The following ADCY10 variants were observed in gnomAD, a reference collection of about 807,000 sequenced individuals.
ADCY10 encodes the protein adenylate cyclase type 10.
In ADCY10, 156 loss-of-function variants were observed where a neutral mutation model predicts 183.3. The observed-to-expected ratio is 0.85, with a 90% CI of 0.75 to 0.97. ADCY10 has a LOEUF of 0.97. ADCY10 is among the 50% of genes least tolerant of loss of function. The probability of loss-of-function intolerance (pLI) is 0.00; values close to 1 mark genes in which losing one functional copy is unlikely to be tolerated. For synonymous variants in ADCY10, 645 were observed against 670.0 expected, an observed-to-expected ratio of 0.96 and a Z score of 0.58; for missense variants, 1,745 against 1,934.3, an observed-to-expected ratio of 0.90 and a Z score of 1.84.
intron 1 of ADCY10, among the ~76,000 whole-genome samples, chr1:167,905,618 G>A (rs1669761555): frequency 6.6e-6 from 1 of 151,192 alleles, no homozygotes; most frequent in African/African-American, 2.4e-5. Context: ...AAAAAGTGTA[G>A]ATGTGATTCG....
intron 17 of ADCY10, 141 bp from the exon 18 acceptor site, chr1:167,854,630 G>A (rs1005487358): frequency 9.4e-7 from 1 of 1,065,840 alleles, no homozygotes; most frequent in Admixed American, 1.9e-5. Context: ...TTGAGGCATT[G>A]CTTTGTTTTC....
intron 23 of ADCY10, 95 bp downstream of exon 23, chr1:167,836,214 G>T: frequency 1.2e-6 from 1 of 806,004 alleles, no homozygotes; most frequent in Non-Finnish European, 2.2e-6. Context: ...AATATACAAC[G>T]TGAAGTAATC....
At chr1:167,859,964 G>A in intron 15 of ADCY10, 71 bp from the exon 16 acceptor site, 1 of 1,120,222 alleles carries the variant, frequency 8.9e-7, no homozygotes, top group Middle Eastern at 1.9e-4. Flanking sequence ...TGCAACTTTG[G>A]GCAAAACACT....
intron 11 of ADCY10, among the ~76,000 whole-genome samples, chr1:167,879,104 C>T (rs909814749): frequency 1.3e-5 from 2 of 152,288 alleles, no homozygotes; most frequent in South Asian, 2.1e-4. Context: ...CTAGAAGAGG[C>T]GTGCATGGAG....
At position 167,902,058 on chromosome 1, in the gene ADCY10, A is replaced by G. The variant is rs1318654971; in HGVS notation, c.254-4T>C. On this transcript the variant is annotated splice_polypyrimidine_tract_variant and splice_region_variant and intron_variant, in intron 3 of 32. Transcript: ENST00000367851. ...TCTCCTCCAAAAATCAACACTTCTGAGAAAAAAAAAAAAAATTAAATCAAA... is the reference window on the plus strand; with the variant it reads ...TCTCCTCCAAAAATCAACACTTCTGGGAAAAAAAAAAAAAATTAAATCAAA... 6.3e-7 allele frequency: 1 copy of G among 1,599,920 alleles called. No homozygotes were observed. The highest frequency in any genetic ancestry group is 8.5e-7 in the Non-Finnish European group (1 of 1,177,080).
chr1:167,913,228 G>C (rs1410802114), intron 1 of ADCY10, among the ~76,000 whole-genome samples: 2 of 152,130 alleles, frequency 1.3e-5, no homozygotes, highest in Non-Finnish European at 2.9e-5. Flanking sequence ...GATAAACCAA[G>C]AAGGATTCCT....
chr1:167,840,360 T>G (rs746027146), intron 21 of ADCY10, among the ~76,000 whole-genome samples: 3 of 81,936 alleles, frequency 3.7e-5, no homozygotes, highest in Non-Finnish European at 7.0e-5. Context: ...ATCATATTAT[T>G]ATTACTATTT....
intron 20 of ADCY10, 35 bp from the exon 21 acceptor site, chr1:167,845,888 G>T (rs769375241): frequency 3.3e-5 from 54 of 1,613,980 alleles, no homozygotes; most frequent in Non-Finnish European, 4.5e-5. Flanking sequence ...CAGCCAGGCA[G>T]TGGGCAACAG....
At chr1:167,810,959 T>TC in intron 31 of ADCY10, 46 bp from the exon 32 acceptor site, 2 of 1,554,964 alleles carry the variant, frequency 1.3e-6, no homozygotes, top group Non-Finnish European at 1.8e-6. Context: ...TAAACAGGGG[T>TC]CCTTGACTGT....
chr1:167,811,995 A>G (rs1302161642), intron 31 of ADCY10, among the ~76,000 whole-genome samples: 1 of 152,210 alleles, frequency 6.6e-6, no homozygotes, highest in Non-Finnish European at 1.5e-5. Flanking sequence ...ACTGAGGTTA[A>G]TTTCAGTTTC....
intron 14 of ADCY10, among the ~76,000 whole-genome samples, chr1:167,869,708 C>G (rs1451630039): frequency 6.6e-6 from 1 of 152,206 alleles, no homozygotes; most frequent in African/African-American, 2.4e-5. Context: ...TCACGTACCC[C>G]CTGGCTTACT....
At position 167,905,048 on chromosome 1, in the gene ADCY10, T is replaced by C. The variant is rs1428279573; in HGVS notation, c.93A>G (p.Pro31=). 1 of 1,614,116 alleles carries C rather than the reference T, an allele frequency of 6.2e-7. No homozygotes were observed. Among genetic ancestry groups the C allele is most frequent in the African/African-American group, 1.3e-5 (1 of 74,950 alleles). ...PDLIVYGHFS[P]ERPFMDYFDG... The stretch of plus-strand genomic sequence containing the variant: ...CAAAATAATCCATAAAGGGTCGCTC[T>C]GGGGAGAAATGTCCATAGACAATGA... The change falls in exon 2 of 33, where the codon CCA becomes CCG. Residue 31 remains proline (P), a synonymous_variant. Coordinates refer to ENST00000367851, the MANE Select transcript of ADCY10 (RefSeq NM_018417.6).
intron 8 of ADCY10, among the ~76,000 whole-genome samples, chr1:167,883,904 A>G (rs1668042417): frequency 6.6e-6 from 1 of 152,242 alleles, no homozygotes; most frequent in African/African-American, 2.4e-5. Flanking sequence ...AGCCATTGCA[A>G]TAAGGGAAAT....
intron 8 of ADCY10, among the ~76,000 whole-genome samples, chr1:167,889,454 T>C (rs1325254317): frequency 6.6e-6 from 1 of 152,016 alleles, no homozygotes; most frequent in South Asian, 2.1e-4. Flanking sequence ...ATCTTTTTAA[T>C]ATGTTGTTGA....
At position 167,848,074 on chromosome 1, in the gene ADCY10, C is replaced by CT. The variant is rs549493233; in HGVS notation, c.2437+286dup. Among the ~76,000 whole-genome samples, 179 of 146,424 alleles carry CT rather than the reference C, an allele frequency of 1.2e-3. 2 individuals are homozygous for CT. The highest frequency in any genetic ancestry group is 2.9e-3 in the African/African-American group (115 of 40,226). On this transcript the variant is annotated intron_variant, in intron 19 of 32. Transcript: ENST00000367851. The stretch of plus-strand genomic sequence containing the variant: ...TAAATACCAGGTCAGATTTTCTTTT[C>CT]TTTTTTTTTTTGAGATGGAGTCTCA...
At chr1:167,840,053 TAAAA>T (rs576014779) in intron 21 of ADCY10, among the ~76,000 whole-genome samples, 2 of 121,530 alleles carry the variant, frequency 1.6e-5, no homozygotes, top group Non-Finnish European at 1.8e-5. Context: ...GACCTGTCTA[TAAAA>T]AAAAAAAAAA....
intron 31 of ADCY10, among the ~76,000 whole-genome samples, chr1:167,814,661 A>G (rs916058534): frequency 6.6e-6 from 1 of 152,154 alleles, no homozygotes; most frequent in Non-Finnish European, 1.5e-5. Flanking sequence ...ACTAAATATA[A>G]CAAACATACA....
chr1:167,846,227 G>C lies in ADCY10; in HGVS notation c.2474C>G (p.Ser825Cys), dbSNP rs1558179811. 2 of 1,614,180 alleles carry C rather than the reference G, an allele frequency of 1.2e-6. No homozygotes were observed. Among genetic ancestry groups the C allele is most frequent in the Non-Finnish European group, 1.7e-6 (2 of 1,180,038 alleles). ...AGCACATCTCACCAGCATTTGGTGG[G>C]AAAGTCTCATGCTATCCAGCTGGAT... Reference protein sequence around the residue: ...SLIQLDSMRLSHQMLVRCAAI... With the variant: ...SLIQLDSMRLCHQMLVRCAAI... The change falls in exon 20 of 33, where the codon TCC becomes TGC. Residue 825 changes from serine to cysteine, a missense_variant. Transcript: ENST00000367851.
rs774106830 is a variant in ADCY10, at chr1:167,896,586, G to A, written c.739+9C>T. ...GAGGCAAAGGCATTTTTCCATGGTG[G>A]GTACTTACTTTTGTGCTCACCAGAA... On this transcript the variant is annotated intron_variant, in intron 7 of 32. Coordinates refer to ENST00000367851, the MANE Select transcript of ADCY10 (RefSeq NM_018417.6). 1.6e-5 allele frequency: 26 copies of A among 1,598,626 alleles called. No individual in the cohort carries two copies. The highest frequency in any genetic ancestry group is 2.2e-5 in the South Asian group (2 of 90,728).
Sources: allele counts gnomAD v4.1 joint callset (sites outside exome capture counted in the v4.1 genomes callset), GRCh38; gene constraint gnomAD v4.1.1; transcripts MANE v1.5; gene names NCBI Gene and HGNC (gene_info 2026-07-23, HGNC 2026-07-21).